The following LINGO1 variants were observed in gnomAD, a reference collection of about 807,000 sequenced individuals.
The protein encoded by LINGO1 is leucine-rich repeat and immunoglobulin-like domain-containing nogo receptor-interacting protein 1.
Under a neutral mutation model 37.3 loss-of-function variants are expected in LINGO1, and 11 were observed. That is an observed-to-expected ratio of 0.29 (90% CI 0.19 to 0.49). The LOEUF is 0.49. Ranked by LOEUF, LINGO1 falls within the 20% of genes least tolerant of loss-of-function variation. The pLI, the probability that LINGO1 is intolerant of heterozygous loss-of-function variation, is 0.99. For missense variants in LINGO1, 585 were observed against 878.2 expected, an observed-to-expected ratio of 0.67 and a Z score of 4.22; for synonymous variants, 387 against 403.0, an observed-to-expected ratio of 0.96 and a Z score of 0.48.
upstream of LINGO1, among the ~76,000 whole-genome samples, chr15:77,698,712 G>A (rs2141267202): frequency 6.6e-6 from 1 of 152,352 alleles, no homozygotes; most frequent in African/African-American, 2.4e-5. Flanking sequence ...TGGGCTGGAG[G>A]CTGGAAAGGG....
chr15:77,622,006 C>T (rs1027826346), intron 1 of LINGO1, among the ~76,000 whole-genome samples: 2 of 152,192 alleles, frequency 1.3e-5, no homozygotes, highest in African/African-American at 4.8e-5. Context: ...GTGGCCAGGG[C>T]AGTTCCTCAC....
intron 2 of LINGO1, among the ~76,000 whole-genome samples, chr15:77,678,209 G>C (rs1033653788): frequency 3.3e-5 from 5 of 152,200 alleles, no homozygotes; most frequent in African/African-American, 9.7e-5. Flanking sequence ...CAGTAAAACT[G>C]ACCCTCTCTA....
chr15:77,697,157 C>T (rs2075706931), upstream of LINGO1, among the ~76,000 whole-genome samples: 2 of 152,190 alleles, frequency 1.3e-5, no homozygotes, highest in African/African-American at 4.8e-5. Context: ...GTTCCTGGTG[C>T]AGGGCTGTGT....
chr15:77,758,113 G>A (rs1005228687), intron 1 of LINGO1, among the ~76,000 whole-genome samples: 5 of 152,152 alleles, frequency 3.3e-5, no homozygotes, highest in African/African-American at 1.2e-4. Context: ...TGTTTTAATG[G>A]TGGGAAGGTG....
chr15:77,690,839 A>C (rs1358004594), exon 2 of LINGO1: 3 of 152,258 alleles, frequency 2.0e-5, no homozygotes, highest in African/African-American at 7.2e-5. Context: ...AGCCCTGGAG[A>C]TGCAGGCTGA....
chr15:77,671,694 C>T lies in LINGO1; in HGVS notation c.-13+5395G>A, dbSNP rs117710110. On this transcript the variant is annotated intron_variant, in intron 3 of 3. Coordinates refer to the LINGO1 transcript ENST00000559893. ...GCCTGGTACCCACCTGGGCCTCCTG[C>T]TGTGTCCCAGTTCAGCCTAAGGAGC... Among the ~76,000 whole-genome samples the T allele has an allele frequency of 5.2e-3, 786 of 152,344 alleles. 1 individual carries two copies. Among genetic ancestry groups the T allele is most frequent in the Non-Finnish European group, 8.6e-3 (588 of 68,004 alleles).
In LINGO1 at chr15:77,685,295, G is replaced by A. The variant is rs115827742; in HGVS notation, c.-99+5425C>T. On this transcript the variant is annotated intron_variant, in intron 2 of 3. Coordinates refer to the LINGO1 transcript ENST00000559893. ...GATCTGAGCTTGTCAGGCCAGCTCC[G>A]CCTTTGCAGTTAGCAGTGTGGCTGT... Among the ~76,000 whole-genome samples, 1,384 of 152,236 alleles carry A rather than the reference G, an allele frequency of 9.1e-3. 7 individuals are homozygous for A. The highest frequency in any genetic ancestry group is 0.03 in the African/African-American group (1,229 of 41,534).
chr15:77,647,971 C>A (rs944246641), intron 3 of LINGO1: 11 of 455,316 alleles, frequency 2.4e-5, no homozygotes, highest in African/African-American at 4.0e-5. Context: ...AGTGAGATAT[C>A]TATTTCCTTG....
intron 2 of LINGO1, among the ~76,000 whole-genome samples, chr15:77,703,562 A>G (rs2141278680): frequency 6.6e-6 from 1 of 152,248 alleles, no homozygotes; most frequent in Non-Finnish European, 1.5e-5. Flanking sequence ...TCTTCCCACC[A>G]CTTCCTGGAA....
intron 2 of LINGO1, among the ~76,000 whole-genome samples, chr15:77,683,501 T>C (rs1193239641): frequency 6.6e-6 from 1 of 152,208 alleles, no homozygotes. Context: ...AATTATGCTT[T>C]GTACAAACAA....
intron 1 of LINGO1, among the ~76,000 whole-genome samples, chr15:77,807,668 A>G (rs2076971290): frequency 6.6e-6 from 1 of 152,174 alleles, no homozygotes; most frequent in African/African-American, 2.4e-5. Context: ...GAGTCAAAAC[A>G]GGGGGAAAGA....
upstream of LINGO1, chr15:77,634,249 A>T (rs1436654856): frequency 2.2e-6 from 1 of 455,902 alleles, no homozygotes; most frequent in Non-Finnish European, 4.4e-6. Flanking sequence ...GTTCAGCCTC[A>T]CACACAGCCC....
chr15:77,641,143 C>T (rs1234350446), intron 3 of LINGO1, among the ~76,000 whole-genome samples: 1 of 152,176 alleles, frequency 6.6e-6, no homozygotes, highest in Non-Finnish European at 1.5e-5. Flanking sequence ...GACAGCCAGC[C>T]CTGAGGAAGG....
upstream of LINGO1, among the ~76,000 whole-genome samples, chr15:77,638,890 C>A (rs1379652597): frequency 2.6e-5 from 4 of 152,162 alleles, no homozygotes. Context: ...AGTGGACCCA[C>A]TTTTAGTGAA....
At chr15:77,795,429 C>T (rs1461105654) in intron 2 of LINGO1, among the ~76,000 whole-genome samples, 1 of 152,178 alleles carries the variant, frequency 6.6e-6, no homozygotes, top group Non-Finnish European at 1.5e-5. Flanking sequence ...CAATGACTGT[C>T]GCACAAACAC....
intron 1 of LINGO1, among the ~76,000 whole-genome samples, chr15:77,617,889 G>C (rs986308013): frequency 6.6e-6 from 1 of 152,146 alleles, no homozygotes; most frequent in Non-Finnish European, 1.5e-5. Flanking sequence ...AATCTGCAAG[G>C]GTTCTGTTAT....
intron 3 of LINGO1, among the ~76,000 whole-genome samples, chr15:77,654,084 G>A (rs1303739243): frequency 6.6e-6 from 1 of 152,220 alleles, no homozygotes; most frequent in Non-Finnish European, 1.5e-5. Flanking sequence ...ATTTACAAGA[G>A]AAGGCTTTAA....
chr15:77,615,943 G>A (rs2073704263), intron 1 of LINGO1, 43 bp from the exon 2 acceptor site: 2 of 1,391,386 alleles, frequency 1.4e-6, no homozygotes, highest in Admixed American at 2.8e-5. Context: ...GCGGTTAGGG[G>A]GCAGTGTGTG....
At chr15:77,655,335 C>T (rs2074843902) in intron 3 of LINGO1, among the ~76,000 whole-genome samples, 1 of 152,134 alleles carries the variant, frequency 6.6e-6, no homozygotes, top group Non-Finnish European at 1.5e-5. Context: ...TGGTTCTGCC[C>T]CAGCTCCCAA....
Sources: gnomAD v4.1 joint callset for allele counts (sites outside exome capture counted in the v4.1 genomes callset) on GRCh38, gnomAD v4.1.1 for gene constraint, MANE v1.5 for transcripts, NCBI Gene and HGNC (gene_info 2026-07-23, HGNC 2026-07-21) for gene names.